The following ATP8B2 variants were observed in gnomAD, a reference collection of about 807,000 sequenced individuals.
ATP8B2 encodes the protein ATPase phospholipid transporting 8B2.
ATP8B2 carries 70 observed loss-of-function variants against 133.4 expected under a neutral mutation model. The observed-to-expected ratio is 0.52, with a 90% CI of 0.43 to 0.64. ATP8B2 has a LOEUF of 0.64. Ranked by LOEUF, ATP8B2 falls within the 30% of genes least tolerant of loss-of-function variation. The pLI, the probability that ATP8B2 is intolerant of heterozygous loss-of-function variation, is 0.00. For synonymous variants in ATP8B2, 517 were observed against 589.5 expected (o/e 0.88, Z 1.78); for missense variants, 1,101 against 1,535.7 (o/e 0.72, Z 4.73).
intron 9 of ATP8B2, 48 bp downstream of exon 9, chr1:154,332,745 G>A: frequency 7.0e-7 from 1 of 1,421,582 alleles, no homozygotes; most frequent in Non-Finnish European, 9.7e-7. Flanking sequence ...GTGGGGTTGG[G>A]TTTTGTTTGG....
chr1:154,344,114 T>G lies in ATP8B2; in HGVS notation c.1924-29T>G, dbSNP rs1686497962. ...ACGGAGGGCTCATGCCTGCAATTCT[T>G]GTGCCAGGAATCCTTGTGGTATTTT... is the stretch of plus-strand genomic sequence containing the variant. On this transcript the variant is annotated intron_variant, in intron 18 of 27. Coordinates refer to ENST00000368489, the MANE Select transcript of ATP8B2 (RefSeq NM_001370597.1). The surrounding 1 kb of genome is among the most constrained non-coding windows in gnomAD (Gnocchi z 4.1). 3.1e-6 allele frequency: 5 copies of G among 1,614,092 alleles called. No individual in the cohort carries two copies. The South Asian group carries it at 4.4e-5, about 14-fold the overall frequency.
chr1:154,338,161 G>T (rs1217220983), intron 12 of ATP8B2, among the ~76,000 whole-genome samples: 1 of 152,170 alleles, frequency 6.6e-6, no homozygotes, highest in Non-Finnish European at 1.5e-5. Flanking sequence ...TTTGAGTGGT[G>T]ACTGGGCTGG....
At chr1:154,348,686 C>T in intron 27 of ATP8B2, 148 bp downstream of exon 27, 2 of 1,400,078 alleles carry the variant, frequency 1.4e-6, no homozygotes, top group Non-Finnish European at 1.9e-6. Flanking sequence ...CCCTGTGCAG[C>T]TGGCCACAGA....
chr1:154,337,639 G>A (rs775341197), intron 12 of ATP8B2, 95 bp downstream of exon 12: 3 of 1,613,496 alleles, frequency 1.9e-6, no homozygotes, highest in Middle Eastern at 1.7e-4. Flanking sequence ...GAGAAGTAAC[G>A]AGAAGTCCTC....
chr1:154,336,287 G>T (rs1686176466), intron 11 of ATP8B2, among the ~76,000 whole-genome samples: 1 of 152,048 alleles, frequency 6.6e-6, no homozygotes. Flanking sequence ...CAGACAGAAG[G>T]CCACATGATA....
Position 154,328,994 on chromosome 1 carries a change from G to C in ATP8B2, c.31+822G>C. 1 of 1,304,054 alleles carries C rather than the reference G, an allele frequency of 7.7e-7. No homozygotes were observed. Among genetic ancestry groups the C allele is most frequent in the Non-Finnish European group, 1.0e-6 (1 of 988,858 alleles). 80.8% of individuals were successfully genotyped at this position (1,304,054 alleles called of 1,614,324 possible). A position where few individuals can be genotyped will look rare whatever the true frequency, so the allele number is the denominator to read the frequency against. On this transcript the variant is annotated intron_variant, in intron 2 of 27. Coordinates refer to ENST00000368489, the MANE Select transcript of ATP8B2 (RefSeq NM_001370597.1). This position sits in a 1 kb window ranked among gnomAD's most constrained non-coding sequence, Gnocchi z 4.6. ...CCCCACTCAAACCGGGATCATGACGGTCCCCAAGGAGATGCCCGAGAAGTG... is the reference window on the plus strand; with the variant it reads ...CCCCACTCAAACCGGGATCATGACGCTCCCCAAGGAGATGCCCGAGAAGTG...
intron 13 of ATP8B2, among the ~76,000 whole-genome samples, 178 bp from the exon 14 acceptor site, chr1:154,342,302 G>A (rs1686412689): frequency 6.6e-6 from 1 of 151,908 alleles, no homozygotes; most frequent in South Asian, 2.1e-4. Context: ...TAGGGTGCCT[G>A]ATGCCTCCTA....
Position 154,346,449 on chromosome 1 carries a change from A to G in ATP8B2, c.2997A>G (p.Thr999=), listed in dbSNP as rs770692715. Residue 999 remains threonine, a synonymous_variant, in exon 25 of 28, where the codon ACA becomes ACG. Transcript: ENST00000368489. The surrounding 1 kb of genome is among the most constrained non-coding windows in gnomAD (Gnocchi z 4.5). Reference sequence around the variant, plus strand: ...AGTCCTTTGCAGTCACTGTGGCCACATCCTTGGTCATTGTGGTTAGCGTGC... The same window carrying G: ...AGTCCTTTGCAGTCACTGTGGCCACGTCCTTGGTCATTGTGGTTAGCGTGC... ...DYQSFAVTVA[T]SLVIVVSVQI... 2.5e-6 allele frequency: 4 copies of G among 1,613,798 alleles called. No homozygotes were observed. Among genetic ancestry groups the G allele is most frequent in the African/African-American group, 2.7e-5 (2 of 74,908 alleles).
rs1570873301 is a variant in ATP8B2 at position 154,347,310 on chromosome 1, T to C, written c.3163+552T>C. On this transcript the variant is annotated intron_variant, in intron 26 of 27. Transcript: ENST00000368489. ...TCAGCCCTGGCCTGGGAGGAGGTCT[T>C]CTGCACGTGGAGCTGGGGAGGAGTG... 2.0e-5 allele frequency among the ~76,000 whole-genome samples: 3 copies of C among 152,282 alleles called. No individual in the cohort carries two copies. The South Asian group carries it at 6.2e-4, about 32-fold the overall frequency.
chr1:154,329,144 T>C, intron 2 of ATP8B2: 2 of 1,195,314 alleles, frequency 1.7e-6, no homozygotes, highest in South Asian at 3.0e-5. Flanking sequence ...CTACATTCAC[T>C]TGTCCCCAGC....
At chr1:154,337,015 C>T (rs903498227) in intron 11 of ATP8B2, among the ~76,000 whole-genome samples, 1 of 151,912 alleles carries the variant, frequency 6.6e-6, no homozygotes, top group East Asian at 1.9e-4. Context: ...CCAGGCTGGT[C>T]TCAAACTCCT....
chr1:154,342,026 T>C (rs1686401026), intron 13 of ATP8B2, among the ~76,000 whole-genome samples: 1 of 152,134 alleles, frequency 6.6e-6, no homozygotes, highest in South Asian at 2.1e-4. Flanking sequence ...GGCCCGTGGC[T>C]GTGCTGCTGG....
Position 154,342,785 on chromosome 1 carries a change from A to T in ATP8B2, c.1288-11A>T, listed in dbSNP as rs755528706. ...TCTAGCCTTTCCTAAGAGCCTTCTT[A>T]TGTGTTTCAGAGGCCTGAACCTGTT... is the stretch of plus-strand genomic sequence containing the variant. On this transcript the variant is annotated splice_polypyrimidine_tract_variant and intron_variant, in intron 14 of 27. Coordinates refer to ENST00000368489, the MANE Select transcript of ATP8B2 (RefSeq NM_001370597.1). The T allele has an allele frequency of 1.9e-6, 3 of 1,613,592 alleles. No homozygotes were observed. Among genetic ancestry groups the T allele is most frequent in the South Asian group, 1.1e-5 (1 of 91,058 alleles).
In ATP8B2 at chr1:154,331,268, G is replaced by C; in HGVS notation, c.303+122G>C. On this transcript the variant is annotated intron_variant, in intron 5 of 27. Transcript: ENST00000368489. This position sits in a 1 kb window ranked among gnomAD's most constrained non-coding sequence, Gnocchi z 4.8. Reference sequence around the variant, plus strand: ...TGGTGACCTTGACATCCCTTACCCGGTCCAGCTAGATCCATGATGTCTTTT... The same window carrying C: ...TGGTGACCTTGACATCCCTTACCCGCTCCAGCTAGATCCATGATGTCTTTT... 8.7e-7 allele frequency: 1 copy of C among 1,151,800 alleles called. No homozygotes were observed. Among genetic ancestry groups the C allele is most frequent in the Non-Finnish European group, 1.3e-6 (1 of 794,380 alleles). 71.3% of individuals were successfully genotyped at this position (1,151,800 alleles called of 1,614,324 possible).
At position 154,349,361 on chromosome 1, in the gene ATP8B2, C is replaced by A; in HGVS notation, c.*243C>A. The A allele has an allele frequency of 1.8e-6, 1 of 556,244 alleles. No individual in the cohort carries two copies. Among genetic ancestry groups the A allele is most frequent in the Non-Finnish European group, 3.1e-6 (1 of 318,152 alleles). 34.5% of individuals were successfully genotyped at this position (556,244 alleles called of 1,614,324 possible). On this transcript the variant is annotated 3_prime_UTR_variant, in exon 28 of 28. Transcript: ENST00000368489. ...GAGCAGAGGCTGAGGCACGGGGAGC[C>A]AGCCCCACTCGGGGACCAGAAGTGG...
intron 27 of ATP8B2, 60 bp from the exon 28 acceptor site, chr1:154,348,777 TCTC>T (rs1396240995): frequency 2.0e-6 from 3 of 1,492,296 alleles, no homozygotes; most frequent in Non-Finnish European, 2.7e-6. Flanking sequence ...GTGGGTCCCT[TCTC>T]CTTGGCGATA....
rs371074707 is a variant in ATP8B2 at position 154,342,533 on chromosome 1, A to G, written c.1287+10A>G. The G allele has an allele frequency of 5.6e-6, 9 of 1,612,278 alleles. No individual in the cohort carries two copies. The African/African-American group carries it at 9.3e-5, about 17-fold the overall frequency. On this transcript the variant is annotated intron_variant, in intron 14 of 27. Transcript: ENST00000368489. Reference sequence around the variant, plus strand: ...AGCTGAATTGGGAGAGGTAAGATTCAGTCTCCCTAATTCTATGTGCCAGTG... The same window carrying G: ...AGCTGAATTGGGAGAGGTAAGATTCGGTCTCCCTAATTCTATGTGCCAGTG...
Position 154,349,007 on chromosome 1 carries a change from C to T in ATP8B2, c.3462C>T (p.Leu1154=). 6.2e-7 allele frequency: 1 copy of T among 1,614,258 alleles called. No homozygotes were observed. Residue 1154 remains leucine (L), a synonymous_variant, in exon 28 of 28, where the codon CTC becomes CTT. Transcript: ENST00000368489. ...ACATGCGGCTGAGCTCTCTCGCGCT[C>T]TCCAGCTTCACCACCCGCTCCAGCT... ...GKNMRLSSLA[L]SSFTTRSSSS...
rs1308687664 is a variant in ATP8B2 at position 154,346,841 on chromosome 1, C to G, written c.3163+83C>G. On this transcript the variant is annotated intron_variant, in intron 26 of 27. Coordinates refer to ENST00000368489, the MANE Select transcript of ATP8B2 (RefSeq NM_001370597.1). This position sits in a 1 kb window ranked among gnomAD's most constrained non-coding sequence, Gnocchi z 4.5. ...AGGACCATCAGCTAATCTGCACATT[C>G]AACATTTCTTATGTGCCAAGTATTC... 1 of 1,428,808 alleles carries G rather than the reference C, an allele frequency of 7.0e-7. No individual in the cohort carries two copies. Among genetic ancestry groups the G allele is most frequent in the Non-Finnish European group, 9.6e-7 (1 of 1,042,356 alleles). The allele number at this position is 1,428,808 out of a possible 1,614,324, so 88.5% of individuals were successfully genotyped here. A position where few individuals can be genotyped will look rare whatever the true frequency, so the allele number is the denominator to read the frequency against.
Sources: gnomAD v4.1 joint callset for allele counts (sites outside exome capture counted in the v4.1 genomes callset) on GRCh38, gnomAD v4.1.1 for gene constraint, Gnocchi (gnomAD v3.1) non-coding constraint, MANE v1.5 for transcripts, NCBI Gene and HGNC (gene_info 2026-07-23, HGNC 2026-07-21) for gene names.